CDH13: variants seen among roughly 807,000 people sequenced by gnomAD.
CDH13 encodes cadherin 13.
In CDH13, 24 loss-of-function variants were observed where a neutral mutation model predicts 63.8. The observed-to-expected ratio is 0.38, with a 90% CI of 0.27 to 0.53. CDH13 has a LOEUF of 0.53. CDH13 is among the 20% of genes least tolerant of loss of function. CDH13 has a pLI of 0.85. For synonymous variants in CDH13, 503 were observed against 355.3 expected, an observed-to-expected ratio of 1.42 and a Z score of -4.67; for missense variants, 1,049 against 903.1, an observed-to-expected ratio of 1.16 and a Z score of -2.07.
chr16:83,772,607 C>G (rs1597210020), intron 11 of CDH13, among the ~76,000 whole-genome samples: 1 of 152,302 alleles, frequency 6.6e-6, no homozygotes, highest in East Asian at 1.9e-4. Context: ...ATCATGGATT[C>G]AATTTTGTTC....
intron 8 of CDH13, among the ~76,000 whole-genome samples, chr16:83,660,609 A>G (rs969231637): frequency 6.6e-6 from 1 of 152,194 alleles, no homozygotes; most frequent in Non-Finnish European, 1.5e-5. Flanking sequence ...GTTAGAGGCC[A>G]ACTAGAATTT....
chr16:83,538,404 C>A (rs1057347656), intron 7 of CDH13, among the ~76,000 whole-genome samples: 93 of 152,286 alleles, frequency 6.1e-4, no homozygotes, highest in African/African-American at 2.2e-3. Flanking sequence ...CCAGTTAAGA[C>A]AGACCAACAA....
At chr16:83,334,342 C>G (rs559318729) in intron 5 of CDH13, among the ~76,000 whole-genome samples, 1,007 of 65,656 alleles carry the variant, frequency 0.015, 7 homozygotes, top group Non-Finnish European at 0.021. Flanking sequence ...CCCTTTCTCC[C>G]TCTCTCTCTC....
chr16:83,204,965 T>C (rs914668448), intron 4 of CDH13, among the ~76,000 whole-genome samples: 1 of 152,194 alleles, frequency 6.6e-6, no homozygotes, highest in African/African-American at 2.4e-5. Context: ...CTTCACTAGC[T>C]AACGCAAGTC....
At chr16:83,587,421 G>C (rs1043141245) in intron 7 of CDH13, among the ~76,000 whole-genome samples, 1 of 152,182 alleles carries the variant, frequency 6.6e-6, no homozygotes, top group Non-Finnish European at 1.5e-5. Flanking sequence ...CCCTCGGTGA[G>C]CTCCTGTGCT....
At chr16:83,418,054 T>C (rs2071607064) in intron 6 of CDH13, among the ~76,000 whole-genome samples, 1 of 152,306 alleles carries the variant, frequency 6.6e-6, no homozygotes, top group Non-Finnish European at 1.5e-5. Context: ...TCCTTTTTAA[T>C]CATGCAGTAG....
intron 1 of CDH13, among the ~76,000 whole-genome samples, chr16:82,801,679 G>T (rs1305473400): frequency 6.6e-6 from 1 of 152,148 alleles, no homozygotes; most frequent in Admixed American, 6.5e-5. Flanking sequence ...GGAAATGCTG[G>T]GTCAGCCTCT....
At chr16:83,351,060 G>A (rs2151375091) in intron 6 of CDH13, among the ~76,000 whole-genome samples, 1 of 152,318 alleles carries the variant, frequency 6.6e-6, no homozygotes, top group Non-Finnish European at 1.5e-5. Flanking sequence ...TTGACACCTA[G>A]CTCAGCCGAT....
At chr16:83,784,256 A>C (rs1222607673) in intron 13 of CDH13, among the ~76,000 whole-genome samples, 2 of 152,214 alleles carry the variant, frequency 1.3e-5, no homozygotes, top group Non-Finnish European at 2.9e-5. Flanking sequence ...GACAGTGGTG[A>C]GCTGCCAGGA....
intron 5 of CDH13, among the ~76,000 whole-genome samples, chr16:83,324,040 CTT>C (rs200015057): frequency 3.5e-5 from 5 of 141,332 alleles, no homozygotes; most frequent in Admixed American, 1.4e-4. Context: ...TCTTCTTCTT[CTT>C]TTTTTTTTTT....
intron 2 of CDH13, among the ~76,000 whole-genome samples, chr16:83,025,600 C>G (rs1343892332): frequency 1.3e-5 from 2 of 152,082 alleles, no homozygotes; most frequent in African/African-American, 4.8e-5. Context: ...AACTACAATT[C>G]AAGATGAGAT....
intron 2 of CDH13, among the ~76,000 whole-genome samples, chr16:82,960,958 T>G (rs1906886597): frequency 6.6e-6 from 1 of 152,214 alleles, no homozygotes; most frequent in South Asian, 2.1e-4. Context: ...AAAATATGGA[T>G]AGTTTTTTCA....
intron 13 of CDH13, among the ~76,000 whole-genome samples, chr16:83,784,525 G>A (rs569523408): frequency 2.1e-4 from 32 of 151,894 alleles, no homozygotes; most frequent in Admixed American, 6.5e-4. Context: ...CCAGCTACTC[G>A]GGAGGCTGAG....
intron 4 of CDH13, among the ~76,000 whole-genome samples, chr16:83,208,151 C>T (rs2039236645): frequency 6.6e-6 from 1 of 152,184 alleles, no homozygotes; most frequent in Non-Finnish European, 1.5e-5. Context: ...TGTGGAGCTT[C>T]TGTCCTTCTC....
intron 5 of CDH13, among the ~76,000 whole-genome samples, chr16:83,228,271 C>G (rs762209856): frequency 2.6e-5 from 4 of 152,208 alleles, no homozygotes; most frequent in Non-Finnish European, 5.9e-5. Context: ...TGCTCCACAT[C>G]CTGCTGTGCA....
intron 5 of CDH13, among the ~76,000 whole-genome samples, chr16:83,322,822 A>G (rs1391805413): frequency 6.6e-6 from 1 of 152,192 alleles, no homozygotes; most frequent in African/African-American, 2.4e-5. Context: ...ATAATTAATC[A>G]TTGGTGTTCA....
At chr16:83,296,234 T>C (rs748648722) in intron 5 of CDH13, among the ~76,000 whole-genome samples, 1 of 152,194 alleles carries the variant, frequency 6.6e-6, no homozygotes, top group Non-Finnish European at 1.5e-5. Context: ...GCTTTTCTCA[T>C]TTAATCTTTA....
chr16:82,927,438 T>A (rs2151289797), intron 2 of CDH13, among the ~76,000 whole-genome samples: 1 of 152,350 alleles, frequency 6.6e-6, no homozygotes, highest in Admixed American at 6.5e-5. Context: ...ATCTTCATAA[T>A]GCCTTATAGT....
intron 2 of CDH13, among the ~76,000 whole-genome samples, chr16:82,970,380 T>A (rs1908536373): frequency 7.2e-6 from 1 of 138,314 alleles, no homozygotes; most frequent in Admixed American, 7.3e-5. Flanking sequence ...ACAGTGCATA[T>A]TCTTTTTTTT....
Sources: allele counts gnomAD v4.1 joint callset (sites outside exome capture counted in the v4.1 genomes callset), GRCh38; gene constraint gnomAD v4.1.1; transcripts MANE v1.5; gene names NCBI Gene and HGNC (gene_info 2026-07-23, HGNC 2026-07-21).